Variants in LINGO2 observed in about 807,000 individuals in gnomAD.
LINGO2 encodes leucine rich repeat and Ig domain containing 2, also known as leucine-rich repeat and immunoglobulin-like domain-containing nogo receptor-interacting protein 2.
Under a neutral mutation model 30.6 loss-of-function variants are expected in LINGO2, and 14 were observed. The observed-to-expected ratio is 0.46, with a 90% CI of 0.30 to 0.72. The LOEUF is 0.72. LINGO2 is among the 30% of genes least tolerant of loss of function. The pLI is 0.07. For synonymous variants in LINGO2, 317 were observed against 288.5 expected (o/e 1.10, Z -1.00); for missense variants, 729 against 751.7 (o/e 0.97, Z 0.35).
chr9:28,789,450 G>C, the LINGO2 span, among the ~76,000 whole-genome samples: 4 of 152,072 alleles, frequency 2.6e-5, no homozygotes, highest in Non-Finnish European at 4.4e-5. Context: ...TGTTTGCCCA[G>C]CTTGGACTCC....
chr9:28,253,783 A>G (rs1416431322), intron 4 of LINGO2, among the ~76,000 whole-genome samples: 2 of 152,010 alleles, frequency 1.3e-5, no homozygotes, highest in Non-Finnish European at 2.9e-5. Flanking sequence ...GGGGATCACA[A>G]TAGTCTAGCC....
the LINGO2 span, among the ~76,000 whole-genome samples, chr9:29,209,024 T>C: frequency 2.0e-5 from 3 of 152,110 alleles, no homozygotes; most frequent in Non-Finnish European, 4.4e-5. Flanking sequence ...AAGCTAAGGT[T>C]TCCTAAAATA....
Position 28,148,337 on chromosome 9 carries a change from C to G in LINGO2, c.-86-135932G>C. Reference sequence around the variant, plus strand: ...TCACAACTCCAGGATGTTTGGACACCTCAGCCCCGTGAGGATTCCTCATCT... The same window carrying G: ...TCACAACTCCAGGATGTTTGGACACGTCAGCCCCGTGAGGATTCCTCATCT... On this transcript the variant is annotated intron_variant, in intron 4 of 5. Coordinates refer to ENST00000379992, the Ensembl canonical transcript of LINGO2. This position sits in a 1 kb window ranked among gnomAD's most constrained non-coding sequence, Gnocchi z 5.1. The G allele has an allele frequency of 4.3e-6, 4 of 933,996 alleles. No homozygotes were observed. Among genetic ancestry groups the G allele is most frequent in the Non-Finnish European group, 6.7e-6 (4 of 598,200 alleles). 57.9% of individuals were successfully genotyped at this position (933,996 alleles called of 1,614,324 possible). A position where few individuals can be genotyped will look rare whatever the true frequency, so the allele number is the denominator to read the frequency against.
At chr9:28,036,461 AAGTTATCAATCT>A (rs1399715417) in intron 4 of LINGO2, among the ~76,000 whole-genome samples, 18 of 151,662 alleles carry the variant, frequency 1.2e-4, no homozygotes, top group African/African-American at 4.1e-4. Flanking sequence ...AGGAAGATTT[AAGTTATCAATCT>A]AGTTCTAGTA....
intron 2 of LINGO2, among the ~76,000 whole-genome samples, chr9:28,471,667 C>T (rs891557674): frequency 1.3e-5 from 2 of 152,096 alleles, no homozygotes; most frequent in African/African-American, 4.8e-5. Flanking sequence ...TAATTATTAC[C>T]AAGTGATTAT....
intron 2 of LINGO2, among the ~76,000 whole-genome samples, chr9:28,459,149 A>T (rs1460409693): frequency 6.6e-6 from 1 of 152,134 alleles, no homozygotes; most frequent in African/African-American, 2.4e-5. Flanking sequence ...TGCTTAAATT[A>T]TGAAAATAAT....
At chr9:28,199,866 G>T (rs1022342177) in intron 4 of LINGO2, among the ~76,000 whole-genome samples, 5 of 151,776 alleles carry the variant, frequency 3.3e-5, no homozygotes, top group Admixed American at 3.3e-4. Context: ...ATTACCATCC[G>T]ATAATAACCT....
intron 1 of LINGO2, among the ~76,000 whole-genome samples, chr9:28,589,587 C>T (rs1184138979): frequency 6.6e-6 from 1 of 152,114 alleles, no homozygotes; most frequent in East Asian, 1.9e-4. Flanking sequence ...AGGAATCCAA[C>T]TTACAAGGGA....
chr9:28,103,903 G>A (rs185979348), intron 4 of LINGO2, among the ~76,000 whole-genome samples: 1 of 152,242 alleles, frequency 6.6e-6, no homozygotes, highest in East Asian at 1.9e-4. Flanking sequence ...AGGAAGTAGG[G>A]TGAACTATTC....
chr9:28,368,351 T>A (rs1422339508), intron 3 of LINGO2, among the ~76,000 whole-genome samples: 1 of 152,152 alleles, frequency 6.6e-6, no homozygotes, highest in Non-Finnish European at 1.5e-5. Flanking sequence ...AGCACTGAAC[T>A]TTTTGCTGGG....
At chr9:27,985,858 G>A (rs1364726075) in intron 5 of LINGO2, among the ~76,000 whole-genome samples, 1 of 151,812 alleles carries the variant, frequency 6.6e-6, no homozygotes, top group Non-Finnish European at 1.5e-5. Flanking sequence ...AAATTGCAAT[G>A]GTGAGAGGTT....
intron 2 of LINGO2, among the ~76,000 whole-genome samples, chr9:28,395,627 G>A (rs7851987): frequency 0.99 from 150,928 of 152,332 alleles, 74,783 homozygotes; most frequent in Middle Eastern, 1. Flanking sequence ...GCCCACACAA[G>A]TCCTGTAATG....
At chr9:28,782,590 A>C in the LINGO2 span, among the ~76,000 whole-genome samples, 1 of 152,216 alleles carries the variant, frequency 6.6e-6, no homozygotes, top group African/African-American at 2.4e-5. Flanking sequence ...AAATTTGACA[A>C]AGAATAATAA....
chr9:28,563,764 C>T (rs1823222834), intron 1 of LINGO2, among the ~76,000 whole-genome samples: 1 of 152,114 alleles, frequency 6.6e-6, no homozygotes, highest in African/African-American at 2.4e-5. Flanking sequence ...CTCAATCAGA[C>T]ATTTTGGCTA....
intron 2 of LINGO2, among the ~76,000 whole-genome samples, chr9:28,383,432 G>A (rs1415831599): frequency 6.6e-6 from 1 of 152,010 alleles, no homozygotes; most frequent in East Asian, 1.9e-4. Flanking sequence ...GATCACATTG[G>A]AGGAAGGTTT....
chr9:28,140,110 T>A (rs925401820), intron 4 of LINGO2, among the ~76,000 whole-genome samples: 2 of 152,146 alleles, frequency 1.3e-5, no homozygotes, highest in African/African-American at 4.8e-5. Flanking sequence ...GGCTAAATCT[T>A]AAAGACCTAA....
chr9:28,163,800 C>G, intron 4 of LINGO2, among the ~76,000 whole-genome samples: 1 of 152,138 alleles, frequency 6.6e-6, no homozygotes, highest in East Asian at 1.9e-4. Context: ...TCTGCCTAAA[C>G]GAGATCCAAC....
At chr9:28,568,139 T>C (rs1302902635) in intron 1 of LINGO2, among the ~76,000 whole-genome samples, 3 of 152,132 alleles carry the variant, frequency 2.0e-5, no homozygotes, top group Non-Finnish European at 2.9e-5. Flanking sequence ...CACCCATGGA[T>C]GACAGTACCT....
chr9:28,343,272 A>C (rs1173657723), intron 3 of LINGO2, among the ~76,000 whole-genome samples: 3 of 152,186 alleles, frequency 2.0e-5, no homozygotes, highest in Non-Finnish European at 4.4e-5. Flanking sequence ...TTTATGACAT[A>C]AATTGCCAAT....
Sources: gnomAD v4.1 joint callset for allele counts (sites outside exome capture counted in the v4.1 genomes callset) on GRCh38, gnomAD v4.1.1 for gene constraint, Gnocchi (gnomAD v3.1) non-coding constraint, MANE v1.5 for transcripts, NCBI Gene and HGNC (gene_info 2026-07-23, HGNC 2026-07-21) for gene names.